Variants in GPR141 observed in about 807,000 individuals in gnomAD.
The protein encoded by GPR141 is probable G protein-coupled receptor 141.
In GPR141, 6 loss-of-function variants were observed where a neutral mutation model predicts 6.8. The ratio of observed to expected loss-of-function variants is 0.88; its 90% confidence interval spans 0.48 to 1.74. The LOEUF (loss-of-function observed/expected upper bound fraction) is 1.74, where lower values mean the gene tolerates loss of function less well. Among genes scored for constraint, GPR141 ranks in the 40% most tolerant of loss-of-function variants. GPR141 has a pLI of 0.01. For missense variants in GPR141, 372 were observed against 372.9 expected (o/e 1.00, Z 0.02); for synonymous variants, 140 against 142.3 (o/e 0.98, Z 0.11).
At chr7:37,715,467 A>G (rs1010952213) in intron 2 of GPR141, among the ~76,000 whole-genome samples, 1 of 152,126 alleles carries the variant, frequency 6.6e-6, no homozygotes, top group Non-Finnish European at 1.5e-5. Flanking sequence ...AAAAAACCAA[A>G]CCTTTAGATG....
At chr7:37,706,522 ATATCT>A (rs1773969456) in intron 2 of GPR141, among the ~76,000 whole-genome samples, 1 of 152,140 alleles carries the variant, frequency 6.6e-6, no homozygotes, top group African/African-American at 2.4e-5. Context: ...GGAAGTGGGA[ATATCT>A]TCCCTGACCC....
Position 37,740,413 on chromosome 7 carries a change from C to T in GPR141, c.20C>T (p.Ser7Phe), listed in dbSNP as rs377059932. MPGHNT[S>F]RNSSCDPIVT... ...CCAAGTATGCCTGGCCACAATACCT[C>T]CAGGAATTCCTCTTGCGATCCTATA... Residue 7 changes from serine (S) to phenylalanine (F), a missense_variant, in exon 3 of 3, where the codon TCC becomes TTC. Physicochemically the swap from Ser to Phe is radical, Grantham distance 155 (BLOSUM62 -2). Coordinates refer to ENST00000334425, the MANE Select transcript of GPR141 (RefSeq NM_001381946.1). 12 of 1,602,402 alleles carry T rather than the reference C, an allele frequency of 7.5e-6. No homozygotes were observed. The African/African-American group carries it at 9.4e-5, about 12-fold the overall frequency.
intron 2 of GPR141, among the ~76,000 whole-genome samples, chr7:37,690,944 A>C (rs1016412271): frequency 6.6e-6 from 1 of 152,160 alleles, no homozygotes; most frequent in African/African-American, 2.4e-5. Flanking sequence ...ATTGTAGTCT[A>C]TCTCTCCCTT....
chr7:37,738,946 A>G (rs1034197758), intron 2 of GPR141, among the ~76,000 whole-genome samples: 9 of 152,142 alleles, frequency 5.9e-5, no homozygotes, highest in African/African-American at 9.7e-5. Flanking sequence ...CCCTCTAATG[A>G]GTATTTTTCC....
rs558371455 is a variant in GPR141 at position 37,705,051 on chromosome 7, A to G, written c.-15+19468A>G. Reference sequence around the variant, plus strand: ...TAGCCACTCTAATAATACTTATTAAATGAATAAATATATGTATAGTTGAAT... The same window carrying G: ...TAGCCACTCTAATAATACTTATTAAGTGAATAAATATATGTATAGTTGAAT... On this transcript the variant is annotated intron_variant, in intron 2 of 2. Transcript: ENST00000334425. Among the ~76,000 whole-genome samples the G allele has an allele frequency of 4.6e-5, 7 of 152,330 alleles. No homozygotes were observed. The East Asian group carries it at 1.2e-3, about 25-fold the overall frequency.
Position 37,733,068 on chromosome 7 carries a change from C to G in GPR141, c.-14-7312C>G, listed in dbSNP as rs1812053248. 3.3e-5 allele frequency among the ~76,000 whole-genome samples: 5 copies of G among 152,184 alleles called. No individual in the cohort carries two copies. In the South Asian group the frequency reaches 8.3e-4, roughly 25 times the overall value. ...GTGAGCCAAAGTGTGTCAGGTAAGG[C>G]AGAGAACCAAAACCAGATATCAGGT... On this transcript the variant is annotated intron_variant, in intron 2 of 2. Coordinates refer to ENST00000334425, the MANE Select transcript of GPR141 (RefSeq NM_001381946.1).
chr7:37,688,747 G>A (rs1283338289), intron 2 of GPR141, among the ~76,000 whole-genome samples: 1 of 152,144 alleles, frequency 6.6e-6, no homozygotes, highest in African/African-American at 2.4e-5. Flanking sequence ...GAATAGAAAT[G>A]TGGTCCATGG....
intron 2 of GPR141, among the ~76,000 whole-genome samples, chr7:37,735,148 A>T (rs2131853977): frequency 6.6e-6 from 1 of 152,350 alleles, no homozygotes; most frequent in African/African-American, 2.4e-5. Context: ...GGAATAATCC[A>T]AGAAATCAAA....
At chr7:37,722,227 A>C (rs1327249570) in intron 2 of GPR141, among the ~76,000 whole-genome samples, 1 of 152,234 alleles carries the variant, frequency 6.6e-6, no homozygotes, top group Non-Finnish European at 1.5e-5. Context: ...GAAACATAAC[A>C]TCATTGAAAA....
intron 2 of GPR141, among the ~76,000 whole-genome samples, chr7:37,733,679 A>T (rs1812093398): frequency 6.6e-6 from 1 of 151,404 alleles, no homozygotes; most frequent in African/African-American, 2.4e-5. Flanking sequence ...CTCAAAAAAA[A>T]AAAAAAAAAG....
At chr7:37,714,319 TGA>T (rs754314230) in intron 2 of GPR141, among the ~76,000 whole-genome samples, 4 of 152,190 alleles carry the variant, frequency 2.6e-5, no homozygotes, top group Non-Finnish European at 5.9e-5. Context: ...ATCGAAGGTG[TGA>T]GAGTCTATAA....
intron 2 of GPR141, among the ~76,000 whole-genome samples, chr7:37,731,005 T>C (rs1021153591): frequency 3.3e-5 from 5 of 152,236 alleles, no homozygotes; most frequent in Non-Finnish European, 1.5e-5. Flanking sequence ...TTTAACGGTC[T>C]AAGTTCAAAC....
At chr7:37,721,272 C>A (rs1462887950) in intron 2 of GPR141, among the ~76,000 whole-genome samples, 1 of 152,080 alleles carries the variant, frequency 6.6e-6, no homozygotes, top group African/African-American at 2.4e-5. Flanking sequence ...AATAAAAGTA[C>A]CCTTGTCCTG....
At chr7:37,701,144 G>C (rs188564079) in intron 2 of GPR141, among the ~76,000 whole-genome samples, 1 of 152,160 alleles carries the variant, frequency 6.6e-6, no homozygotes, top group Non-Finnish European at 1.5e-5. Flanking sequence ...CTTATGATTC[G>C]TTGTGATTTG....
intron 2 of GPR141, among the ~76,000 whole-genome samples, chr7:37,718,223 C>T (rs1006894178): frequency 6.6e-6 from 1 of 151,976 alleles, no homozygotes; most frequent in East Asian, 1.9e-4. Flanking sequence ...CACAGATAGA[C>T]ATTGTATAAG....
At chr7:37,717,388 G>A (rs1486365170) in intron 2 of GPR141, among the ~76,000 whole-genome samples, 2 of 152,196 alleles carry the variant, frequency 1.3e-5, no homozygotes, top group Non-Finnish European at 2.9e-5. Flanking sequence ...AGAGGATTGA[G>A]GACATTTCTG....
intron 2 of GPR141, among the ~76,000 whole-genome samples, chr7:37,718,864 C>T (rs917098531): frequency 2.0e-5 from 3 of 152,176 alleles, no homozygotes; most frequent in African/African-American, 7.2e-5. Context: ...GCTTTGAATG[C>T]ACACCAGCGA....
intron 2 of GPR141, among the ~76,000 whole-genome samples, chr7:37,708,911 G>GT (rs1263849319): frequency 6.6e-6 from 1 of 152,092 alleles, no homozygotes. Context: ...GCTTATGAAG[G>GT]TTTTTTCATA....
intron 2 of GPR141, among the ~76,000 whole-genome samples, chr7:37,687,965 T>G (rs952904147): frequency 3.3e-5 from 5 of 152,172 alleles, no homozygotes; most frequent in Non-Finnish European, 5.9e-5. Flanking sequence ...AAACAATCTC[T>G]GTTGCAACGA....
Sources: allele counts gnomAD v4.1 joint callset (sites outside exome capture counted in the v4.1 genomes callset), GRCh38; gene constraint gnomAD v4.1.1; transcripts MANE v1.5; gene names NCBI Gene and HGNC (gene_info 2026-07-23, HGNC 2026-07-21).